Variants in FRMD4A observed in about 807,000 individuals in gnomAD.
The protein encoded by FRMD4A is FERM domain-containing protein 4A.
A neutral mutation model predicts 129.1 loss-of-function variants in FRMD4A; 29 were observed. That is an observed-to-expected ratio of 0.22 (90% CI 0.17 to 0.31). The LOEUF (loss-of-function observed/expected upper bound fraction) is 0.31, where lower values mean the gene tolerates loss of function less well. Ranked by LOEUF, FRMD4A falls within the 10% of genes least tolerant of loss-of-function variation. The pLI, the probability that FRMD4A is intolerant of heterozygous loss-of-function variation, is 1.00. For missense variants in FRMD4A, 1,272 were observed against 1,375.8 expected, an observed-to-expected ratio of 0.92 and a Z score of 1.19; for synonymous variants, 634 against 571.6, an observed-to-expected ratio of 1.11 and a Z score of -1.56.
intron 2 of FRMD4A, among the ~76,000 whole-genome samples, chr10:14,130,959 T>C (rs1185829332): frequency 6.6e-6 from 1 of 152,190 alleles, no homozygotes; most frequent in Admixed American, 6.5e-5. Flanking sequence ...CTGAGTTTAA[T>C]GCACCATGGT....
At chr10:13,898,907 G>A (rs141231332) in intron 2 of FRMD4A, among the ~76,000 whole-genome samples, 281 of 152,256 alleles carry the variant, frequency 1.8e-3, no homozygotes, top group Middle Eastern at 6.8e-3. Context: ...TGGGAGCTGG[G>A]CACAGTGGCT....
At chr10:14,001,994 AAGTTATG>A (rs1296302641) in intron 2 of FRMD4A, among the ~76,000 whole-genome samples, 1 of 152,226 alleles carries the variant, frequency 6.6e-6, no homozygotes, top group African/African-American at 2.4e-5. Context: ...CCGAATTCTT[AAGTTATG>A]CAGCTTAGCA....
At chr10:13,916,897 T>C (rs2131245496) in intron 2 of FRMD4A, among the ~76,000 whole-genome samples, 1 of 152,354 alleles carries the variant, frequency 6.6e-6, no homozygotes, top group Middle Eastern at 3.4e-3. Context: ...TAATCTCACA[T>C]GGCTTTGAAA....
In FRMD4A at chr10:14,090,184, C is replaced by T. The variant is rs928556185; in HGVS notation, c.46-231272G>A. Among the ~76,000 whole-genome samples the T allele has an allele frequency of 7.2e-5, 11 of 152,318 alleles. No homozygotes were observed. The South Asian group carries it at 2.1e-3, about 29-fold the overall frequency. On this transcript the variant is annotated intron_variant, in intron 2 of 24. Coordinates refer to ENST00000357447, the MANE Select transcript of FRMD4A (RefSeq NM_018027.5). ...GTCTTCGGGGTGGCACTTGGAGACACTCTTGCTCTTGCCTGAGGTCCTGGA... is the reference window on the plus strand; with the variant it reads ...GTCTTCGGGGTGGCACTTGGAGACATTCTTGCTCTTGCCTGAGGTCCTGGA...
intron 2 of FRMD4A, among the ~76,000 whole-genome samples, chr10:13,867,686 TATATAATATAATATATAATAAATAAC>T (rs370273685): frequency 0.84 from 99,652 of 118,944 alleles, 42,426 homozygotes; most frequent in Non-Finnish European, 0.91. Flanking sequence ...ATAATAAATA[TATATAATATAATATATAATAAATAAC>T]ATATAATATA....
At chr10:14,179,597 A>G (rs1841845042) in intron 2 of FRMD4A, among the ~76,000 whole-genome samples, 2 of 152,270 alleles carry the variant, frequency 1.3e-5, no homozygotes, top group African/African-American at 2.4e-5. Flanking sequence ...AAAGTGCTCA[A>G]TAAAAATTGT....
At chr10:13,841,039 T>C (rs1322780595) in intron 3 of FRMD4A, among the ~76,000 whole-genome samples, 2 of 151,898 alleles carry the variant, frequency 1.3e-5, no homozygotes, top group African/African-American at 2.4e-5. Flanking sequence ...GCCCAGGAGG[T>C]TGAACCTGCA....
At chr10:13,702,216 T>A (rs760364699) in intron 13 of FRMD4A, among the ~76,000 whole-genome samples, 3 of 152,132 alleles carry the variant, frequency 2.0e-5, no homozygotes, top group Non-Finnish European at 4.4e-5. Flanking sequence ...GGATGACAGA[T>A]GCCCCCCACC....
At chr10:13,864,155 T>C (rs1678775088) in intron 2 of FRMD4A, among the ~76,000 whole-genome samples, 1 of 150,948 alleles carries the variant, frequency 6.6e-6, no homozygotes, top group Admixed American at 6.6e-5. Flanking sequence ...GCCAACACGC[T>C]CCTGTAATTT....
intron 2 of FRMD4A, among the ~76,000 whole-genome samples, chr10:13,912,793 G>T (rs990617308): frequency 6.6e-6 from 1 of 151,910 alleles, no homozygotes; most frequent in Non-Finnish European, 1.5e-5. Context: ...ATATTATTTG[G>T]CTGGGCGTGG....
At chr10:14,304,360 T>C (rs1846278639) in intron 2 of FRMD4A, among the ~76,000 whole-genome samples, 1 of 152,204 alleles carries the variant, frequency 6.6e-6, no homozygotes. Flanking sequence ...CATCTCATTT[T>C]GGCTTTGATT....
chr10:13,884,302 A>G (rs2131140076), intron 2 of FRMD4A, among the ~76,000 whole-genome samples: 1 of 152,182 alleles, frequency 6.6e-6, no homozygotes, highest in Admixed American at 6.5e-5. Context: ...AACTTGTTGC[A>G]TTAATGACTT....
chr10:14,031,655 GAGCTCTAGGCGA>G (rs1417119087), intron 2 of FRMD4A, among the ~76,000 whole-genome samples: 1 of 152,184 alleles, frequency 6.6e-6, no homozygotes, highest in Non-Finnish European at 1.5e-5. Flanking sequence ...ACCAAGGCAT[GAGCTCTAGGCGA>G]AGCTCTTAGA....
intron 2 of FRMD4A, among the ~76,000 whole-genome samples, chr10:14,145,628 G>A (rs1006491243): frequency 2.0e-5 from 3 of 152,130 alleles, no homozygotes; most frequent in African/African-American, 7.2e-5. Flanking sequence ...AATACTATCT[G>A]CAAAAATTAT....
rs777394869 is a variant in FRMD4A at position 13,782,998 on chromosome 10, A to G, written c.308T>C (p.Ile103Thr). Residue 103 changes from isoleucine to threonine, a missense_variant, in exon 6 of 25, where the codon ATA becomes ACA. Physicochemically the swap from Ile to Thr is moderately conservative, Grantham distance 89 (BLOSUM62 -1). This residue lies in a region of FRMD4A where 300 missense variants were observed against 483.6 expected (regional missense o/e 0.62). Transcript: ENST00000357447. ...VVLYFCVRFYIESISYLKDNA... is the reference protein window; with the variant it reads ...VVLYFCVRFYTESISYLKDNA... Reference sequence around the variant, plus strand: ...ATCCTTCAGGTATGAAATGCTTTCTATATAGAACCTGAAAGAGAAAAATGG... The same window carrying G: ...ATCCTTCAGGTATGAAATGCTTTCTGTATAGAACCTGAAAGAGAAAAATGG... The G allele has an allele frequency of 2.2e-6, 3 of 1,358,540 alleles. No homozygotes were observed. The highest frequency in any genetic ancestry group is 1.4e-5 in the African/African-American group (1 of 70,018). The allele number at this position is 1,358,540 out of a possible 1,614,324, so 84.2% of individuals were successfully genotyped here. A position where few individuals can be genotyped will look rare whatever the true frequency, so the allele number is the denominator to read the frequency against.
intron 2 of FRMD4A, among the ~76,000 whole-genome samples, chr10:14,071,030 T>G (rs1835292462): frequency 6.6e-6 from 1 of 152,214 alleles, no homozygotes; most frequent in Non-Finnish European, 1.5e-5. Context: ...GAAAAAGGCT[T>G]AGACAGAGAT....
At chr10:14,127,968 TTCTTTCTTTCCTTCTCTCTCTC>T (rs1838966557) in intron 2 of FRMD4A, among the ~76,000 whole-genome samples, 1 of 33,608 alleles carries the variant, frequency 3.0e-5, no homozygotes, top group African/African-American at 1.3e-4. Flanking sequence ...CTTTCTTTCT[TTCTTTCTTTCCTTCTCTCTCTC>T]TCTCTCTCTC....
At position 13,783,858 on chromosome 10, in the gene FRMD4A, T is replaced by C. The variant is rs993609872; in HGVS notation, c.300-852A>G. 3.3e-5 allele frequency among the ~76,000 whole-genome samples: 5 copies of C among 152,212 alleles called. No individual in the cohort carries two copies. The East Asian group carries it at 7.7e-4, about 23-fold the overall frequency. On this transcript the variant is annotated intron_variant, in intron 5 of 24. Transcript: ENST00000357447. ...TCGGATTTCATCTAGATGGAGCTTA[T>C]AGATATTTTCAAGATGAAACATGCT...
chr10:13,689,418 T>C (rs1379637055), intron 15 of FRMD4A, among the ~76,000 whole-genome samples: 1 of 152,014 alleles, frequency 6.6e-6, no homozygotes, highest in Non-Finnish European at 1.5e-5. Context: ...ACACAAACTT[T>C]AAAGGTCTCA....
Sources: allele counts gnomAD v4.1 joint callset (sites outside exome capture counted in the v4.1 genomes callset), GRCh38; gene constraint gnomAD v4.1.1; regional missense constraint gnomAD v4.1.1; transcripts MANE v1.5; gene names NCBI Gene and HGNC (gene_info 2026-07-23, HGNC 2026-07-21).